Variants in AHNAK2 observed in about 807,000 individuals in gnomAD.
AHNAK2 encodes the protein protein AHNAK2.
A neutral mutation model predicts 30.7 loss-of-function variants in AHNAK2; 18 were observed. That is an observed-to-expected ratio of 0.59 (90% CI 0.41 to 0.87). The LOEUF (loss-of-function observed/expected upper bound fraction) is 0.87. AHNAK2 is among the 40% of genes least tolerant of loss of function. AHNAK2 has a pLI of 0.00. For synonymous variants in AHNAK2, 3,590 were observed against 3,073.8 expected (o/e 1.17, Z -5.56); for missense variants, 8,604 against 7,373.0 (o/e 1.17, Z -6.11).
chr14:104,938,821 T>C lies in AHNAK2; in HGVS notation c.16630A>G (p.Thr5544Ala), dbSNP rs752685033. 6 of 1,613,798 alleles carry C rather than the reference T, an allele frequency of 3.7e-6. No individual in the cohort carries two copies. The highest frequency in any genetic ancestry group is 3.4e-6 in the Non-Finnish European group (4 of 1,179,886). Residue 5544 changes from threonine (T) to alanine (A), a missense_variant, in exon 7 of 7, where the codon ACT becomes GCT. Thr to Ala is a moderately conservative substitution (Grantham distance 58). Transcript: ENST00000333244. ...VYTTMTQHSRTQEGTEEAPIQ... is the reference protein window; with the variant it reads ...VYTTMTQHSRAQEGTEEAPIQ... ...GGAGCCTCTTCTGTGCCCTCCTGAG[T>C]CCTAGAGTGTTGAGTCATTGTTGTG...
chr14:104,950,684 C>T lies in AHNAK2; in HGVS notation c.4767G>A (p.Val1589=). ...VQMPSFKMPK[V]DLKGPQIDVK... ...CATCTATCTGGGGCCCCTTGAGGTC[C>T]ACTTTGGGCATCTTGAAACTGGGCA... The change falls in exon 7 of 7, where the codon GTG becomes GTA. Residue 1589 remains valine, a synonymous_variant. Coordinates refer to ENST00000333244, the MANE Select transcript of AHNAK2 (RefSeq NM_138420.4). 2.5e-6 allele frequency: 4 copies of T among 1,587,744 alleles called. 1 individual carries two copies. Among genetic ancestry groups the T allele is most frequent in the African/African-American group, 1.4e-5 (1 of 73,624 alleles).
rs1408895455 is a variant in AHNAK2, at chr14:104,952,632, C to T, written c.2819G>A (p.Gly940Asp). ...DLKGPQIDVK[G>D]PKLDLKGPKA... ...GGGGCCTTTCAGGTCCAGCTTGGGG[C>T]CCTTAACATCTATCTGGGGGCCCTT... The change falls in exon 7 of 7, where the codon GGC (glycine) becomes GAC (aspartate). Residue 940 changes from glycine to aspartate, a missense_variant. Gly to Asp is a moderately conservative substitution (Grantham distance 94). Coordinates refer to ENST00000333244, the MANE Select transcript of AHNAK2 (RefSeq NM_138420.4). 1.9e-6 allele frequency: 3 copies of T among 1,612,092 alleles called. No homozygotes were observed. Among genetic ancestry groups the T allele is most frequent in the South Asian group, 1.1e-5 (1 of 90,998 alleles).
intron 3 of AHNAK2, among the ~76,000 whole-genome samples, chr14:104,957,054 G>A (rs959692378): frequency 1.3e-5 from 2 of 152,206 alleles, no homozygotes; most frequent in African/African-American, 2.4e-5. Flanking sequence ...CCGAGTCCTT[G>A]TCTCCAGAGG....
In AHNAK2 at chr14:104,942,851, T is replaced by A. The variant is rs1187103197; in HGVS notation, c.12600A>T (p.Lys4200Asn). 6 of 1,611,400 alleles carry A rather than the reference T, an allele frequency of 3.7e-6. No homozygotes were observed. Among genetic ancestry groups the A allele is most frequent in the Non-Finnish European group, 5.1e-6 (6 of 1,179,122 alleles). Residue 4200 changes from lysine (K) to asparagine (N), a missense_variant, in exon 7 of 7, where the codon AAA becomes AAT. Coordinates refer to ENST00000333244, the MANE Select transcript of AHNAK2 (RefSeq NM_138420.4). The stretch of plus-strand genomic sequence containing the variant: ...CCTTGGGCAGGGGGCCCTCCGGGAG[T>A]TTCACGTCCACTTGGCCAGCCTGGA... ...LEVQAGQVDV[K>N]LPEGPLPKGA...
intron 1 of AHNAK2, among the ~76,000 whole-genome samples, chr14:104,961,951 C>T (rs1899160622): frequency 1.3e-5 from 2 of 152,198 alleles, no homozygotes; most frequent in African/African-American, 4.8e-5. Flanking sequence ...CCAGCCGGGG[C>T]AGCAAAGCAA....
Position 104,944,371 on chromosome 14 carries a change from C to T in AHNAK2, c.11080G>A (p.Asp3694Asn), listed in dbSNP as rs752463946. ...ATCTGGCCAGCCTGGACCTTCAGGT[C>T]GGCAGAAGGGGGCTGAATGCTGAGG... ...TDLSIQPPSA[D>N]LKVQAGQMDV... The change falls in exon 7 of 7, where the codon GAC becomes AAC. Residue 3694 changes from aspartate to asparagine, a missense_variant. Coordinates refer to ENST00000333244, the MANE Select transcript of AHNAK2 (RefSeq NM_138420.4). 2.9e-5 allele frequency: 46 copies of T among 1,612,462 alleles called. No homozygotes were observed. The highest frequency in any genetic ancestry group is 6.7e-5 in the Admixed American group (4 of 59,848).
chr14:104,939,378 T>C lies in AHNAK2; in HGVS notation c.16073A>G (p.Lys5358Arg). Residue 5358 changes from lysine to arginine, a missense_variant, in exon 7 of 7, where the codon AAA (lysine) becomes AGA (arginine). Lys to Arg is a conservative substitution (Grantham distance 26). Transcript: ENST00000333244. ...SSQPEGPLKL[K>R]ASSTDMPSQI... ...GGATGGCATATCAGTACTTGAAGCT[T>C]TCAATTTAAGTGGACCTTCAGGCTG... 1 of 1,613,656 alleles carries C rather than the reference T, an allele frequency of 6.2e-7. No individual in the cohort carries two copies. The highest frequency in any genetic ancestry group is 8.5e-7 in the Non-Finnish European group (1 of 1,179,864).
chr14:104,949,391 G>C lies in AHNAK2; in HGVS notation c.6060C>G (p.Ala2020=), dbSNP rs752387000. The C allele has an allele frequency of 6.3e-7, 1 of 1,581,752 alleles. No individual in the cohort carries two copies. Among genetic ancestry groups the C allele is most frequent in the Non-Finnish European group, 8.6e-7 (1 of 1,158,968 alleles). ...CCTGCATGGAGGGGAGACTCACGTC[G>C]GCCTCCACCTTGGGTGCAGGCACAT... The part of the protein sequence containing the change: ...SVDVPAPKVE[A]DVSLPSMQGD... Residue 2020 remains alanine (A), a synonymous_variant, in exon 7 of 7, where the codon GCC becomes GCG. Coordinates refer to ENST00000333244, the MANE Select transcript of AHNAK2 (RefSeq NM_138420.4).
Position 104,941,208 on chromosome 14 carries a change from T to C in AHNAK2, c.14243A>G (p.Gln4748Arg). The C allele has an allele frequency of 6.2e-7, 1 of 1,613,652 alleles. No homozygotes were observed. Among genetic ancestry groups the C allele is most frequent in the Middle Eastern group, 1.6e-4 (1 of 6,062 alleles). The change falls in exon 7 of 7, where the codon CAG becomes CGG. Residue 4748 changes from glutamine (Q) to arginine (R), a missense_variant. Coordinates refer to ENST00000333244, the MANE Select transcript of AHNAK2 (RefSeq NM_138420.4). ...SSECSSFELQ[Q>R]VSACSEPSMQ... ...GGATGGCTCTGAACAAGCCGAAACC[T>C]GTTGTAATTCAAAACTTGAGCATTC...
rs1898923838 is a variant in AHNAK2, at chr14:104,954,909, G to A, written c.651+48C>T. 1 of 507,002 alleles carries A rather than the reference G, an allele frequency of 2.0e-6. No individual in the cohort carries two copies. Among genetic ancestry groups the A allele is most frequent in the East Asian group, 2.5e-5 (1 of 39,614 alleles). 31.4% of individuals were successfully genotyped at this position (507,002 alleles called of 1,614,324 possible). A position where few individuals can be genotyped will look rare whatever the true frequency, so the allele number is the denominator to read the frequency against. On this transcript the variant is annotated intron_variant, in intron 6 of 6. Coordinates refer to ENST00000333244, the MANE Select transcript of AHNAK2 (RefSeq NM_138420.4). The surrounding 1 kb of genome is among the most constrained non-coding windows in gnomAD (Gnocchi z 4.3). ...ATCCCCTCCCAGGCTCAGCCAGCAG[G>A]GTAGTGAAGCCAGCTGGGGCCCTGC...
In AHNAK2 at chr14:104,953,284, G is replaced by A. The variant is rs762440292; in HGVS notation, c.2167C>T (p.Leu723Phe). Residue 723 changes from leucine (L) to phenylalanine (F), a missense_variant, in exon 7 of 7, where the codon CTC (leucine) becomes TTC (phenylalanine). Transcript: ENST00000333244. The part of the protein sequence containing the change: ...SMQGDLKTTD[L>F]SVQTPSADLE... ...TCAGCGGAAGGGGTCTGGACGCTGA[G>A]GTCAGTGGTCTTGAGGTCCCCCTGC... 2 of 1,612,770 alleles carry A rather than the reference G, an allele frequency of 1.2e-6. No individual in the cohort carries two copies. The highest frequency in any genetic ancestry group is 2.2e-5 in the East Asian group (1 of 44,758).
intron 1 of AHNAK2, among the ~76,000 whole-genome samples, chr14:104,971,786 C>G (rs1899479050): frequency 6.6e-6 from 1 of 152,242 alleles, no homozygotes; most frequent in Non-Finnish European, 1.5e-5. Context: ...GTGTAGCCCC[C>G]CTGGGATCCC....
Position 104,953,867 on chromosome 14 carries a change from C to G in AHNAK2, c.1584G>C (p.Lys528Asn), listed in dbSNP as rs569071958. ...DASSKAGTGLKGEEVEGAGWM... is the reference protein window; with the variant it reads ...DASSKAGTGLNGEEVEGAGWM... ...ACCCGGCTCCTTCCACCTCCTCACCCTTCAGGCCAGTACCCGCTTTTGAGG... is the reference window on the plus strand; with the variant it reads ...ACCCGGCTCCTTCCACCTCCTCACCGTTCAGGCCAGTACCCGCTTTTGAGG... Residue 528 changes from lysine (K) to asparagine (N), a missense_variant, in exon 7 of 7, where the codon AAG becomes AAC. Coordinates refer to ENST00000333244, the MANE Select transcript of AHNAK2 (RefSeq NM_138420.4). The G allele has an allele frequency of 6.2e-7, 1 of 1,614,004 alleles. No homozygotes were observed.
chr14:104,953,615 T>G lies in AHNAK2; in HGVS notation c.1836A>C (p.Gly612=). 1 of 1,614,002 alleles carries G rather than the reference T, an allele frequency of 6.2e-7. No homozygotes were observed. The highest frequency in any genetic ancestry group is 8.5e-7 in the Non-Finnish European group (1 of 1,179,886). Residue 612 remains glycine (G), a synonymous_variant, in exon 7 of 7, where the codon GGA becomes GGC. Coordinates refer to ENST00000333244, the MANE Select transcript of AHNAK2 (RefSeq NM_138420.4). ...REKATEDTEQ[G]REGEATATAD... is the part of the protein sequence containing the mutation. ...CTGTTGCTGTGGCCTCTCCTTCCCT[T>G]CCCTGCTCTGTGTCTTCTGTGGCTT...
At chr14:104,964,588 A>C (rs1177616342) in intron 1 of AHNAK2, among the ~76,000 whole-genome samples, 5 of 152,252 alleles carry the variant, frequency 3.3e-5, no homozygotes, top group African/African-American at 4.8e-5. Flanking sequence ...AATAAAAAAA[A>C]ATGCGAGGTA....
Position 104,944,100 on chromosome 14 carries a change from T to G in AHNAK2, c.11351A>C (p.Gln3784Pro). 2 of 1,611,852 alleles carry G rather than the reference T, an allele frequency of 1.2e-6. No homozygotes were observed. The highest frequency in any genetic ancestry group is 1.7e-6 in the Non-Finnish European group (2 of 1,179,098). ...GGCCAGGGACAGGTCCCCCTCCAGC[T>G]GTGCACTATCCAGTTTGGCTCTTGG... ...QAPRAKLDSA[Q>P]LEGDLSLADK... is the part of the protein sequence containing the mutation. Residue 3784 changes from glutamine to proline, a missense_variant, in exon 7 of 7, where the codon CAG becomes CCG. Coordinates refer to ENST00000333244, the MANE Select transcript of AHNAK2 (RefSeq NM_138420.4).
intron 1 of AHNAK2, among the ~76,000 whole-genome samples, chr14:104,959,301 T>C (rs2140873316): frequency 6.6e-6 from 1 of 152,214 alleles, no homozygotes. Flanking sequence ...GCCTCCCGAG[T>C]AGCTGGGACT....
chr14:104,955,171 G>A (rs375907679), intron 5 of AHNAK2, 30 bp from the exon 6 acceptor site: 72 of 1,581,588 alleles, frequency 4.6e-5, no homozygotes, highest in South Asian at 2.7e-4. Context: ...CCCCAGGGCC[G>A]GGTGTGTGAA....
Position 104,946,782 on chromosome 14 carries a change from G to A in AHNAK2, c.8669C>T (p.Ala2890Val), listed in dbSNP as rs1317899345. Residue 2890 changes from alanine (A) to valine (V), a missense_variant, in exon 7 of 7, where the codon GCC becomes GTC. Transcript: ENST00000333244. ...CTTGGGCAGGTGCCCTTTGAGGCCG[G>A]CTCCCTCGGGAACGTGGCCCTCTGG... ...KLPEGHVPEG[A>V]GLKGHLPKVQ... 6.2e-7 allele frequency: 1 copy of A among 1,612,860 alleles called. No homozygotes were observed. The highest frequency in any genetic ancestry group is 8.5e-7 in the Non-Finnish European group (1 of 1,179,610).
Sources: gnomAD v4.1 joint callset for allele counts (sites outside exome capture counted in the v4.1 genomes callset) on GRCh38, gnomAD v4.1.1 for gene constraint, Gnocchi (gnomAD v3.1) non-coding constraint, MANE v1.5 for transcripts, NCBI Gene and HGNC (gene_info 2026-07-23, HGNC 2026-07-21) for gene names.